Variants in PARD3B observed in about 807,000 individuals in gnomAD.
PARD3B encodes the protein partitioning defective 3 homolog B.
Under a neutral mutation model 130.2 loss-of-function variants are expected in PARD3B, and 103 were observed. That is an observed-to-expected ratio of 0.79 (90% CI 0.67 to 0.93). The LOEUF (loss-of-function observed/expected upper bound fraction) is 0.93. Ranked by LOEUF, PARD3B falls within the 40% of genes least tolerant of loss-of-function variation. The pLI is 0.00. For synonymous variants in PARD3B, 583 were observed against 553.2 expected (o/e 1.05, Z -0.76); for missense variants, 1,609 against 1,499.2 (o/e 1.07, Z -1.21).
intron 20 of PARD3B, among the ~76,000 whole-genome samples, chr2:205,478,867 A>T (rs149122635): frequency 3.7e-4 from 57 of 152,288 alleles, no homozygotes; most frequent in African/African-American, 1.3e-3. Flanking sequence ...TTTTCTAATA[A>T]CACCATTTCA....
intron 15 of PARD3B, among the ~76,000 whole-genome samples, chr2:205,206,070 T>G (rs138532886): frequency 0.017 from 2,572 of 152,296 alleles, 241 homozygotes; most frequent in Admixed American, 0.14. Flanking sequence ...TGACTTTGTC[T>G]GGTCCTGGGC....
At chr2:204,558,621 G>C (rs1209017156) in intron 1 of PARD3B, among the ~76,000 whole-genome samples, 1 of 152,130 alleles carries the variant, frequency 6.6e-6, no homozygotes, top group Non-Finnish European at 1.5e-5. Context: ...TATTGCCCAA[G>C]GTAATTTATA....
intron 14 of PARD3B, among the ~76,000 whole-genome samples, chr2:205,188,370 C>T (rs1326005857): frequency 6.6e-6 from 1 of 152,136 alleles, no homozygotes; most frequent in African/African-American, 2.4e-5. Context: ...TCCATGGGTG[C>T]CATGCTTCTC....
chr2:204,798,946 C>A (rs1000207730), intron 2 of PARD3B, among the ~76,000 whole-genome samples: 4 of 151,808 alleles, frequency 2.6e-5, no homozygotes, highest in African/African-American at 9.7e-5. Context: ...TGTAGCCCAG[C>A]GCATTCCCGC....
At chr2:205,455,168 G>A (rs543183280) in intron 20 of PARD3B, among the ~76,000 whole-genome samples, 7 of 152,058 alleles carry the variant, frequency 4.6e-5, no homozygotes, top group South Asian at 2.1e-4. Context: ...GTGGCTTTGC[G>A]GAAATTATTA....
intron 3 of PARD3B, among the ~76,000 whole-genome samples, chr2:205,006,037 C>T (rs1357192643): frequency 6.6e-6 from 1 of 152,128 alleles, no homozygotes; most frequent in African/African-American, 2.4e-5. Flanking sequence ...AGCTTAGCTC[C>T]CATTTAGAAG....
rs201223830 is a variant in PARD3B, at chr2:205,036,395, AT to A, written c.395-11185del. Among the ~76,000 whole-genome samples, 39 of 147,492 alleles carry A rather than the reference AT, an allele frequency of 2.6e-4. No individual in the cohort carries two copies. The East Asian group carries it at 4.9e-3, about 19-fold the overall frequency. On this transcript the variant is annotated intron_variant, in intron 3 of 22. Coordinates refer to ENST00000406610, the MANE Select transcript of PARD3B (RefSeq NM_001302769.2). ...ATATATATAGCAGACTATATAAAAA[AT>A]ATACGTATATAGCAGACTATATATA...
At chr2:204,805,292 A>C (rs1451726641) in intron 2 of PARD3B, among the ~76,000 whole-genome samples, 1 of 152,252 alleles carries the variant, frequency 6.6e-6, no homozygotes, top group Non-Finnish European at 1.5e-5. Context: ...GCAACTCTAT[A>C]CCAGTAAATT....
intron 1 of PARD3B, among the ~76,000 whole-genome samples, chr2:204,643,799 T>C (rs766000483): frequency 6.6e-6 from 1 of 152,196 alleles, no homozygotes; most frequent in Admixed American, 6.5e-5. Flanking sequence ...CAAATTCTTC[T>C]GGACATATTC....
At chr2:205,399,120 A>G (rs1171697507) in intron 18 of PARD3B, among the ~76,000 whole-genome samples, 1 of 151,848 alleles carries the variant, frequency 6.6e-6, no homozygotes, top group African/African-American at 2.4e-5. Context: ...AATACAAAAA[A>G]TTAGCTGGGC....
intron 16 of PARD3B, among the ~76,000 whole-genome samples, chr2:205,294,509 G>A (rs2041720009): frequency 6.6e-6 from 1 of 152,090 alleles, no homozygotes; most frequent in South Asian, 2.1e-4. Flanking sequence ...AAAGTATATA[G>A]CAATACTTGG....
At chr2:204,614,965 C>T (rs773727837) in intron 1 of PARD3B, among the ~76,000 whole-genome samples, 12 of 152,122 alleles carry the variant, frequency 7.9e-5, no homozygotes, top group Admixed American at 2.0e-4. Flanking sequence ...GCCTAATACA[C>T]GCAAATTACT....
rs190161397 is a variant in PARD3B, at chr2:204,611,332, C to G, written c.120+65213C>G. 4.0e-3 allele frequency among the ~76,000 whole-genome samples: 602 copies of G among 152,280 alleles called. 2 individuals carry two copies. Among genetic ancestry groups the G allele is most frequent in the African/African-American group, 0.014 (576 of 41,550 alleles). ...AAATTTGCTACATAGTTAAAACTGA[C>G]ATTTTGACCCCTGTCTAAGAAAGTG... On this transcript the variant is annotated intron_variant, in intron 1 of 22. Transcript: ENST00000406610.
At chr2:204,752,182 TA>T (rs1225827020) in intron 2 of PARD3B, among the ~76,000 whole-genome samples, 3 of 152,228 alleles carry the variant, frequency 2.0e-5, no homozygotes, top group Admixed American at 2.0e-4. Flanking sequence ...AGATTATCTT[TA>T]AAAGTGTGGA....
intron 1 of PARD3B, among the ~76,000 whole-genome samples, chr2:204,671,111 T>C (rs921498577): frequency 6.6e-6 from 1 of 152,104 alleles, no homozygotes; most frequent in African/African-American, 2.4e-5. Context: ...GGGTCCCTCA[T>C]TTTGGTGGAG....
At chr2:204,862,249 C>T (rs1338342574) in intron 2 of PARD3B, among the ~76,000 whole-genome samples, 1 of 152,138 alleles carries the variant, frequency 6.6e-6, no homozygotes. Flanking sequence ...ACCTCTGGGT[C>T]ACACAAGCCA....
intron 1 of PARD3B, among the ~76,000 whole-genome samples, chr2:204,621,955 T>C (rs974356524): frequency 2.6e-5 from 4 of 152,222 alleles, no homozygotes; most frequent in Non-Finnish European, 4.4e-5. Flanking sequence ...TCTTGCTACT[T>C]TATCAGGGAG....
At chr2:205,468,657 G>A (rs1240702291) in intron 20 of PARD3B, among the ~76,000 whole-genome samples, 1 of 152,122 alleles carries the variant, frequency 6.6e-6, no homozygotes, top group African/African-American at 2.4e-5. Flanking sequence ...GGAATGGGTA[G>A]CACTGGTTCT....
At chr2:205,350,833 C>A (rs73062529) in intron 18 of PARD3B, among the ~76,000 whole-genome samples, 2,690 of 152,256 alleles carry the variant, frequency 0.018, 75 homozygotes, top group African/African-American at 0.061. Flanking sequence ...TTAAAGTATA[C>A]ATACTACCCA....
Sources: gnomAD v4.1 joint callset for allele counts (sites outside exome capture counted in the v4.1 genomes callset) on GRCh38, gnomAD v4.1.1 for gene constraint, MANE v1.5 for transcripts, NCBI Gene and HGNC (gene_info 2026-07-23, HGNC 2026-07-21) for gene names.